PLAC1: variants seen among roughly 807,000 people sequenced by gnomAD.
PLAC1 encodes placenta-specific protein 1.
For synonymous variants in PLAC1, 68 were observed against 62.1 expected, an observed-to-expected ratio of 1.09 and a Z score of -0.44; for missense variants, 136 against 163.2, an observed-to-expected ratio of 0.83 and a Z score of 0.91.
chrX:134,716,512 G>C (rs2078643768), intron 2 of PLAC1, among the ~76,000 whole-genome samples: 2 of 112,617 alleles, frequency 1.8e-5, no homozygotes, highest in Non-Finnish European at 3.8e-5. Context: ...CTTTTGCCTT[G>C]TGGCTTGAGT....
At chrX:134,611,200 A>G (rs1394396252) in intron 1 of PLAC1, among the ~76,000 whole-genome samples, 1 of 111,326 alleles carries the variant, frequency 9.0e-6, no homozygotes, top group Non-Finnish European at 1.9e-5. Flanking sequence ...TGATAAAGGT[A>G]TTTTATACAT....
intron 1 of PLAC1, among the ~76,000 whole-genome samples, chrX:134,739,706 A>G: frequency 8.8e-6 from 1 of 113,171 alleles, no homozygotes; most frequent in Admixed American, 9.3e-5. Flanking sequence ...TCTGGGCACC[A>G]GGAGAAATAC....
intron 1 of PLAC1, among the ~76,000 whole-genome samples, chrX:134,624,846 C>T (rs1602850627): frequency 9.0e-6 from 1 of 111,020 alleles, no homozygotes; most frequent in African/African-American, 3.3e-5. Context: ...ATACAAAGTA[C>T]ACAATGGGAG....
At chrX:134,679,202 A>C (rs1432799475) in intron 2 of PLAC1, among the ~76,000 whole-genome samples, 1 of 112,050 alleles carries the variant, frequency 8.9e-6, no homozygotes, top group Admixed American at 9.5e-5. Flanking sequence ...GCAAGAATGA[A>C]TGAATGAAGG....
chrX:134,750,316 T>C lies in PLAC1; in HGVS notation n.89+13918A>G, dbSNP rs970238584. 5.4e-5 allele frequency among the ~76,000 whole-genome samples: 6 copies of C among 111,034 alleles called. 1 individual carries two copies. Among genetic ancestry groups the C allele is most frequent in the African/African-American group, 1.6e-4 (5 of 30,492 alleles). On this transcript the variant is annotated intron_variant and non_coding_transcript_variant, in intron 1 of 2. Coordinates refer to the PLAC1 transcript ENST00000466797. ...ACTCATGCTGTCAACCACAGTTTGG[T>C]TCCCATCACTGCCCAGTTGTTCCTG...
chrX:134,750,837 ATATATATATTTATATATATATATTTTT>A lies in PLAC1; in HGVS notation n.89+13370_89+13396del, dbSNP rs2078740394. Among the ~76,000 whole-genome samples the A allele has an allele frequency of 1.3e-4, 4 of 31,620 alleles. 1 individual carries two copies. Among genetic ancestry groups the A allele is most frequent in the African/African-American group, 4.2e-4 (2 of 4,754 alleles). 27.5% of individuals were successfully genotyped at this position (31,620 alleles called of 115,157 possible). On this transcript the variant is annotated intron_variant and non_coding_transcript_variant, in intron 1 of 2. Transcript: ENST00000466797. ...AATATATATATATATATATATATTT[ATATATATATTTATATATATATATTTTT>A]ATATATATATATTTATAAATATATA...
At chrX:134,755,260 G>A (rs1453084171) in intron 1 of PLAC1, among the ~76,000 whole-genome samples, 3 of 112,115 alleles carry the variant, frequency 2.7e-5, no homozygotes, top group Non-Finnish European at 3.8e-5. Flanking sequence ...TTGCCTCCAC[G>A]TTACTCATTC....
chrX:134,735,224 A>G (rs2078699739), intron 1 of PLAC1, among the ~76,000 whole-genome samples: 1 of 111,708 alleles, frequency 9.0e-6, no homozygotes, highest in African/African-American at 3.3e-5. Flanking sequence ...ATTCAGGCCC[A>G]GCTCACATCA....
chrX:134,660,861 A>G (rs1216692311), upstream of PLAC1, among the ~76,000 whole-genome samples: 1 of 112,224 alleles, frequency 8.9e-6, no homozygotes, highest in African/African-American at 3.2e-5. Context: ...GAGAGGAGTC[A>G]GCCTCTTAGC....
At chrX:134,683,669 A>C (rs1460735584) in intron 2 of PLAC1, among the ~76,000 whole-genome samples, 1 of 111,958 alleles carries the variant, frequency 8.9e-6, no homozygotes, top group Non-Finnish European at 1.9e-5. Flanking sequence ...ACTGAGCCCA[A>C]ACATGGAGTG....
chrX:134,726,322 G>A (rs2078673915), intron 2 of PLAC1, among the ~76,000 whole-genome samples: 1 of 110,895 alleles, frequency 9.0e-6, no homozygotes, highest in Non-Finnish European at 1.9e-5. Context: ...TGGAGTGAGG[G>A]GTCTCCTTGC....
intron 2 of PLAC1, among the ~76,000 whole-genome samples, chrX:134,705,476 T>C (rs12558478): frequency 0.41 from 43,219 of 105,979 alleles, 8,345 homozygotes; most frequent in Non-Finnish European, 0.57. Context: ...ATAAGAGCAT[T>C]CAACAAAAGT....
chrX:134,745,049 A>C (rs1427266414), intron 1 of PLAC1, among the ~76,000 whole-genome samples: 1 of 111,386 alleles, frequency 9.0e-6, no homozygotes, highest in Non-Finnish European at 1.9e-5. Context: ...TTGGCTCATA[A>C]AACTAGAAAT....
chrX:134,700,285 A>G (rs1426972355), intron 2 of PLAC1, among the ~76,000 whole-genome samples: 1 of 112,122 alleles, frequency 8.9e-6, no homozygotes, highest in East Asian at 2.8e-4. Flanking sequence ...TAACTTAAAT[A>G]TACCATTTCA....
chrX:134,707,451 C>T (rs2078608859), intron 2 of PLAC1, among the ~76,000 whole-genome samples: 1 of 112,140 alleles, frequency 8.9e-6, no homozygotes, highest in Non-Finnish European at 1.9e-5. Flanking sequence ...CTATTGCTCC[C>T]CCAGCCCTCC....
At chrX:134,639,588 G>A (rs1188040412) in intron 1 of PLAC1, among the ~76,000 whole-genome samples, 2 of 112,003 alleles carry the variant, frequency 1.8e-5, no homozygotes, top group Non-Finnish European at 3.8e-5. Context: ...TAACTGAGGT[G>A]AAATTCACAT....
intron 2 of PLAC1, among the ~76,000 whole-genome samples, chrX:134,678,872 T>A (rs746622271): frequency 1.3e-4 from 7 of 54,803 alleles, no homozygotes; most frequent in African/African-American, 4.8e-4. Flanking sequence ...AGTCAAATGA[T>A]GAGTGTCCTT....
At chrX:134,717,618 G>T (rs886981690) in intron 2 of PLAC1, among the ~76,000 whole-genome samples, 9 of 112,260 alleles carry the variant, frequency 8.0e-5, no homozygotes, top group African/African-American at 2.6e-4. Context: ...TTTGCCTTCA[G>T]TGGGGACTGT....
intron 1 of PLAC1, among the ~76,000 whole-genome samples, chrX:134,742,765 T>C (rs769162642): frequency 1.8e-5 from 2 of 111,028 alleles, no homozygotes; most frequent in Admixed American, 9.5e-5. Context: ...CCCTCCTGCA[T>C]TGGAATCCTC....
Sources: gnomAD v4.1 joint callset for allele counts (sites outside exome capture counted in the v4.1 genomes callset) on GRCh38, gnomAD v4.1.1 for gene constraint, MANE v1.5 for transcripts, NCBI Gene and HGNC (gene_info 2026-07-23, HGNC 2026-07-21) for gene names.